The following RPS6KC1 variants were observed in gnomAD, a reference collection of about 807,000 sequenced individuals.
RPS6KC1 encodes inactive ribosomal protein S6 kinase delta-1.
In RPS6KC1, 54 loss-of-function variants were observed where a neutral mutation model predicts 103.8. The observed-to-expected ratio is 0.52, with a 90% confidence interval of 0.42 to 0.65. The LOEUF (loss-of-function observed/expected upper bound fraction) is 0.65, where lower values mean the gene tolerates loss of function less well. Ranked by LOEUF, RPS6KC1 falls within the 30% of genes least tolerant of loss-of-function variation. The pLI is 0.00. For missense variants in RPS6KC1, 1,151 were observed against 1,253.8 expected, an observed-to-expected ratio of 0.92 and a Z score of 1.24; for synonymous variants, 439 against 438.7, an observed-to-expected ratio of 1.00 and a Z score of -0.01.
intron 5 of RPS6KC1, among the ~76,000 whole-genome samples, chr1:213,120,861 A>T (rs1043602132): frequency 3.9e-5 from 6 of 152,152 alleles, no homozygotes; most frequent in Non-Finnish European, 7.3e-5. Context: ...AGGTGAAGTG[A>T]TCATTATTTT....
the RPS6KC1 span, among the ~76,000 whole-genome samples, chr1:213,376,449 G>C: frequency 6.6e-6 from 1 of 151,396 alleles, no homozygotes; most frequent in Non-Finnish European, 1.5e-5. Context: ...AAAAATTTCA[G>C]CTATCATGAG....
At chr1:213,643,953 A>G in the RPS6KC1 span, among the ~76,000 whole-genome samples, 2 of 152,044 alleles carry the variant, frequency 1.3e-5, no homozygotes, top group South Asian at 2.1e-4. Context: ...TTGCTTTCCT[A>G]GGATAAACCA....
the RPS6KC1 span, among the ~76,000 whole-genome samples, chr1:213,764,071 T>C: frequency 2.6e-5 from 4 of 152,220 alleles, no homozygotes; most frequent in African/African-American, 4.8e-5. Context: ...GATTGTCAAA[T>C]GTGTCCCCTA....
intron 3 of RPS6KC1, among the ~76,000 whole-genome samples, chr1:213,091,470 C>A (rs1488729407): frequency 6.6e-6 from 1 of 152,114 alleles, no homozygotes; most frequent in African/African-American, 2.4e-5. Context: ...GAATCAGAAC[C>A]CTGTAAATGA....
chr1:213,261,516 G>T (rs1464356193), intron 12 of RPS6KC1, 42 bp from the exon 13 acceptor site: 2 of 1,562,330 alleles, frequency 1.3e-6, no homozygotes, highest in East Asian at 2.2e-5. Flanking sequence ...AAGTTTAATT[G>T]ACCTTTGGAA....
chr1:213,346,281 T>C, the RPS6KC1 span, among the ~76,000 whole-genome samples: 5 of 152,140 alleles, frequency 3.3e-5, no homozygotes, highest in African/African-American at 1.2e-4. Flanking sequence ...TTTAAAATTT[T>C]AAATAATTAA....
chr1:213,183,291 C>G (rs1026017184), intron 8 of RPS6KC1, among the ~76,000 whole-genome samples: 1 of 152,056 alleles, frequency 6.6e-6, no homozygotes, highest in Non-Finnish European at 1.5e-5. Flanking sequence ...AGAAGAACTC[C>G]ATAATACCAT....
chr1:213,517,851 T>C, the RPS6KC1 span, among the ~76,000 whole-genome samples: 109 of 152,316 alleles, frequency 7.2e-4, no homozygotes, highest in Admixed American at 2.9e-3. Flanking sequence ...CCATTATTAT[T>C]GTGTGGGAGT....
At chr1:213,523,933 G>T in the RPS6KC1 span, among the ~76,000 whole-genome samples, 1 of 152,172 alleles carries the variant, frequency 6.6e-6, no homozygotes, top group African/African-American at 2.4e-5. Flanking sequence ...GACACATGTT[G>T]CAGGCAGAGG....
At chr1:213,495,683 G>A in the RPS6KC1 span, among the ~76,000 whole-genome samples, 1 of 152,100 alleles carries the variant, frequency 6.6e-6, no homozygotes, top group Admixed American at 6.6e-5. Flanking sequence ...CTTACCTAAG[G>A]TTACACAACC....
chr1:213,551,051 C>G, the RPS6KC1 span, among the ~76,000 whole-genome samples: 5 of 152,156 alleles, frequency 3.3e-5, no homozygotes, highest in Non-Finnish European at 5.9e-5. Flanking sequence ...TGGCAGCAAA[C>G]AACCCTAAAC....
At chr1:213,603,029 C>G in the RPS6KC1 span, among the ~76,000 whole-genome samples, 1 of 152,302 alleles carries the variant, frequency 6.6e-6, no homozygotes, top group Non-Finnish European at 1.5e-5. Context: ...GTTAGTGGAA[C>G]CTCCAACTAT....
chr1:213,155,804 T>G (rs79351661), intron 6 of RPS6KC1, among the ~76,000 whole-genome samples: 4,909 of 152,276 alleles, frequency 0.032, 104 homozygotes, highest in Non-Finnish European at 0.048. Flanking sequence ...TCTTGTGGGC[T>G]TGGGGATGAT....
At chr1:213,090,553 G>GA (rs1404353090) in intron 3 of RPS6KC1, among the ~76,000 whole-genome samples, 1 of 152,172 alleles carries the variant, frequency 6.6e-6, no homozygotes, top group African/African-American at 2.4e-5. Context: ...TATACAACAG[G>GA]AAGAGTATAA....
chr1:213,460,888 C>A, the RPS6KC1 span, among the ~76,000 whole-genome samples: 1 of 152,258 alleles, frequency 6.6e-6, no homozygotes, highest in African/African-American at 2.4e-5. Context: ...GTTGAAAACT[C>A]TTTTCTTTAA....
chr1:213,494,237 G>A, the RPS6KC1 span, among the ~76,000 whole-genome samples: 1 of 152,050 alleles, frequency 6.6e-6, no homozygotes, highest in African/African-American at 2.4e-5. Context: ...GGCAGATATG[G>A]TTCACTTTGT....
chr1:213,083,504 T>C, intron 3 of RPS6KC1, among the ~76,000 whole-genome samples: 1 of 152,196 alleles, frequency 6.6e-6, no homozygotes, highest in East Asian at 1.9e-4. Context: ...GTAACTTGTC[T>C]ATAGTTTCAC....
the RPS6KC1 span, among the ~76,000 whole-genome samples, chr1:213,308,262 C>T: frequency 0.013 from 1,847 of 147,006 alleles, 69 homozygotes; most frequent in East Asian, 0.097. Flanking sequence ...TGCAGTGAGC[C>T]GAGATCATGC....
the RPS6KC1 span, among the ~76,000 whole-genome samples, chr1:213,467,911 T>C: frequency 1.3e-5 from 2 of 152,246 alleles, no homozygotes; most frequent in South Asian, 2.1e-4. Flanking sequence ...TCAATATGCA[T>C]ACATTTTCAT....
Sources: allele counts gnomAD v4.1 joint callset (sites outside exome capture counted in the v4.1 genomes callset), GRCh38; gene constraint gnomAD v4.1.1; transcripts MANE v1.5; gene names NCBI Gene and HGNC (gene_info 2026-07-23, HGNC 2026-07-21).